GLIS1: variants seen among roughly 807,000 people sequenced by gnomAD.
The protein encoded by GLIS1 is zinc finger protein GLIS1.
In GLIS1, 24 loss-of-function variants were observed where a neutral mutation model predicts 63.8. That is an observed-to-expected ratio of 0.38 (90% CI 0.27 to 0.53). GLIS1 has a LOEUF of 0.53. Ranked by LOEUF, GLIS1 falls within the 20% of genes least tolerant of loss-of-function variation. GLIS1 has a pLI of 0.85. For missense variants in GLIS1, 1,036 were observed against 1,074.1 expected, an observed-to-expected ratio of 0.96 and a Z score of 0.50; for synonymous variants, 450 against 482.5, an observed-to-expected ratio of 0.93 and a Z score of 0.88.
In GLIS1 at chr1:53,738,781, C is replaced by T. The variant is rs116951652; in HGVS notation, c.-43+324G>A. ...CGCGCGCGCAAACCGGCACAGTGGG[C>T]AATGCCCACGCGGCCGCCGCCACAC... On this transcript the variant is annotated intron_variant, in intron 1 of 10. Coordinates refer to ENST00000628545, the MANE Select transcript of GLIS1 (RefSeq NM_001367484.1). 5.0e-3 allele frequency among the ~76,000 whole-genome samples: 766 copies of T among 152,306 alleles called. 27 individuals carry two copies. Among genetic ancestry groups the T allele is most frequent in the Admixed American group, 0.044 (666 of 15,310 alleles).
intron 2 of GLIS1, among the ~76,000 whole-genome samples, chr1:53,640,266 C>G (rs891145874): frequency 6.6e-6 from 1 of 152,162 alleles, no homozygotes; most frequent in Non-Finnish European, 1.5e-5. Context: ...CCACAAAGCC[C>G]CTTTGTGAAG....
chr1:53,640,836 C>G (rs1645779590), intron 2 of GLIS1, among the ~76,000 whole-genome samples: 1 of 152,212 alleles, frequency 6.6e-6, no homozygotes, highest in Non-Finnish European at 1.5e-5. Flanking sequence ...TGCACACACA[C>G]ACACACGCTC....
intron 2 of GLIS1, among the ~76,000 whole-genome samples, chr1:53,669,472 T>A (rs927239935): frequency 6.6e-6 from 1 of 152,058 alleles, no homozygotes; most frequent in Non-Finnish European, 1.5e-5. Flanking sequence ...GAAGGGGAGA[T>A]CTGTCAACCA....
At chr1:53,550,874 C>CA (rs970256930) in intron 4 of GLIS1, among the ~76,000 whole-genome samples, 7 of 152,050 alleles carry the variant, frequency 4.6e-5, no homozygotes, top group Admixed American at 3.9e-4. Context: ...TTTTTTGAGA[C>CA]AGAGTCTTGC....
intron 8 of GLIS1, among the ~76,000 whole-genome samples, chr1:53,514,266 G>C (rs990847613): frequency 6.6e-6 from 1 of 152,196 alleles, no homozygotes; most frequent in Non-Finnish European, 1.5e-5. Flanking sequence ...GATGAGGCAA[G>C]GAGACACCAG....
At chr1:53,586,231 A>C (rs564758280) in intron 4 of GLIS1, among the ~76,000 whole-genome samples, 1 of 152,314 alleles carries the variant, frequency 6.6e-6, no homozygotes, top group South Asian at 2.1e-4. Flanking sequence ...AATGTAAGCC[A>C]AGATCTGTGG....
chr1:53,699,496 T>C (rs542575018), intron 2 of GLIS1, among the ~76,000 whole-genome samples: 8 of 152,340 alleles, frequency 5.3e-5, no homozygotes, highest in Non-Finnish European at 7.3e-5. Flanking sequence ...TGCATTATAC[T>C]GACCAGTTGA....
intron 4 of GLIS1, among the ~76,000 whole-genome samples, chr1:53,556,160 G>C (rs1479250864): frequency 6.3e-5 from 9 of 142,978 alleles, no homozygotes; most frequent in African/African-American, 2.4e-4. Context: ...CTGCAGCTGT[G>C]TGTGTGTATG....
chr1:53,738,483 G>A (rs937854615), intron 1 of GLIS1, among the ~76,000 whole-genome samples: 15 of 152,302 alleles, frequency 9.8e-5, no homozygotes, highest in African/African-American at 3.6e-4. Context: ...CGGCGGCAAC[G>A]AGGATTCCCA....
intron 4 of GLIS1, among the ~76,000 whole-genome samples, chr1:53,582,923 A>T (rs1485215431): frequency 6.6e-6 from 1 of 152,128 alleles, no homozygotes; most frequent in Non-Finnish European, 1.5e-5. Context: ...GGTACTGGGG[A>T]TCTTACGGAA....
chr1:53,547,863 C>T (rs1644720498), intron 4 of GLIS1, among the ~76,000 whole-genome samples: 1 of 152,206 alleles, frequency 6.6e-6, no homozygotes, highest in Non-Finnish European at 1.5e-5. Flanking sequence ...TTTATTGGAG[C>T]AGCCAGGAGC....
chr1:53,595,388 T>C (rs1288069487), intron 3 of GLIS1, among the ~76,000 whole-genome samples: 2 of 152,072 alleles, frequency 1.3e-5, no homozygotes, highest in Non-Finnish European at 2.9e-5. Context: ...GGTGTGGTGG[T>C]GTGCACCTGT....
intron 7 of GLIS1, among the ~76,000 whole-genome samples, chr1:53,519,844 G>A (rs964833704): frequency 1.3e-5 from 2 of 152,242 alleles, no homozygotes; most frequent in African/African-American, 2.4e-5. Context: ...CTCCTCTGGA[G>A]CAGGAGTCAA....
At chr1:53,632,625 C>A (rs1438976894) in intron 2 of GLIS1, among the ~76,000 whole-genome samples, 1 of 125,192 alleles carries the variant, frequency 8.0e-6, no homozygotes. Flanking sequence ...GACGGAGGGG[C>A]ATGTGAATGA....
chr1:53,657,220 T>C (rs1365641736), intron 2 of GLIS1, among the ~76,000 whole-genome samples: 1 of 152,082 alleles, frequency 6.6e-6, no homozygotes, highest in East Asian at 1.9e-4. Context: ...CTCAGGTGTA[T>C]GTAATGGGTC....
In GLIS1 at chr1:53,526,722, G is replaced by T. The variant is rs1644473266; in HGVS notation, c.1483-1835C>A. 6.6e-6 allele frequency among the ~76,000 whole-genome samples: 1 copy of T among 152,264 alleles called. No homozygotes were observed. Among genetic ancestry groups the T allele is most frequent in the African/African-American group, 2.4e-5 (1 of 41,474 alleles). On this transcript the variant is annotated intron_variant, in intron 5 of 10. Coordinates refer to ENST00000628545, the MANE Select transcript of GLIS1 (RefSeq NM_001367484.1). This position sits in a 1 kb window ranked among gnomAD's most constrained non-coding sequence, Gnocchi z 4.4. The stretch of plus-strand genomic sequence containing the variant: ...CAAATCCACTCGCTTTCGTCTAAAA[G>T]CAAACAAGCTGGCTCTGTGTCTGCC...
chr1:53,530,432 T>A (rs1190574761), intron 4 of GLIS1, among the ~76,000 whole-genome samples: 1 of 152,182 alleles, frequency 6.6e-6, no homozygotes, highest in East Asian at 1.9e-4. Flanking sequence ...AGCTTGAGAC[T>A]GTGTGGCCAC....
intron 7 of GLIS1, among the ~76,000 whole-genome samples, chr1:53,519,376 G>A (rs1480024485): frequency 2.6e-5 from 4 of 152,262 alleles, no homozygotes; most frequent in African/African-American, 9.6e-5. Flanking sequence ...TGTTTGGCAA[G>A]TGCTTTGATA....
chr1:53,642,609 C>T (rs1222212301), intron 2 of GLIS1, among the ~76,000 whole-genome samples: 1 of 152,194 alleles, frequency 6.6e-6, no homozygotes, highest in East Asian at 1.9e-4. Context: ...TTCTGGGTAT[C>T]TCCTACAGTA....
Sources: allele counts gnomAD v4.1 joint callset (sites outside exome capture counted in the v4.1 genomes callset), GRCh38; gene constraint gnomAD v4.1.1; non-coding constraint Gnocchi (gnomAD v3.1); transcripts MANE v1.5; gene names NCBI Gene and HGNC (gene_info 2026-07-23, HGNC 2026-07-21).